Variants in CFAP221 observed in about 807,000 individuals in gnomAD.
CFAP221 encodes cilia and flagella associated protein 221, also known as cilia- and flagella-associated protein 221.
A neutral mutation model predicts 113.1 loss-of-function variants in CFAP221; 97 were observed. The ratio of observed to expected loss-of-function variants is 0.86; its 90% confidence interval spans 0.73 to 1.02. CFAP221 has a LOEUF of 1.02. Ranked by LOEUF, CFAP221 falls within the 50% of genes least tolerant of loss-of-function variation. The probability of loss-of-function intolerance (pLI) is 0.00; values close to 1 mark genes in which losing one functional copy is unlikely to be tolerated. For synonymous variants in CFAP221, 331 were observed against 354.4 expected, an observed-to-expected ratio of 0.93 and a Z score of 0.74; for missense variants, 1,025 against 1,013.4, an observed-to-expected ratio of 1.01 and a Z score of -0.16.
chr2:119,551,147 C>T (rs545471635), intron 3 of CFAP221, among the ~76,000 whole-genome samples: 29 of 152,304 alleles, frequency 1.9e-4, no homozygotes, highest in South Asian at 6.2e-4. Flanking sequence ...GGTTTATCCA[C>T]TTATCAGCTG....
At chr2:119,561,832 T>A (rs1681262317) in intron 5 of CFAP221, among the ~76,000 whole-genome samples, 182 bp from the exon 6 acceptor site, 1 of 152,242 alleles carries the variant, frequency 6.6e-6, no homozygotes, top group Admixed American at 6.5e-5. Flanking sequence ...TACTTAAAAT[T>A]TTCTACGCTT....
chr2:119,655,042 T>C (rs1688348673), intron 23 of CFAP221, among the ~76,000 whole-genome samples: 1 of 152,204 alleles, frequency 6.6e-6, no homozygotes, highest in Non-Finnish European at 1.5e-5. Flanking sequence ...ACCCAGAGCC[T>C]GGACAGACAG....
rs868605053 is a variant in CFAP221 at position 119,604,987 on chromosome 2, G to A, written c.1024G>A (p.Val342Ile). Residue 342 changes from valine (V) to isoleucine (I), a missense_variant and splice_region_variant, in exon 10 of 24, where the codon GTT becomes ATT. Val to Ile is a conservative substitution (Grantham distance 29). Transcript: ENST00000413369. Reference sequence around the variant, plus strand: ...ATTGAAGATTAAAGAATTAAGAGAAGGTAACCAGTTGATTGGCCATAAAGC... The same window carrying A: ...ATTGAAGATTAAAGAATTAAGAGAAAGTAACCAGTTGATTGGCCATAAAGC... The part of the protein sequence containing the change: ...GKLKIKELRE[V>I]LDQGTEISKT... 5 of 1,613,132 alleles carry A rather than the reference G, an allele frequency of 3.1e-6. No individual in the cohort carries two copies. The Admixed American group carries it at 5.0e-5, about 16-fold the overall frequency.
chr2:119,615,528 C>A, intron 13 of CFAP221, 83 bp from the exon 14 acceptor site: 2 of 1,007,570 alleles, frequency 2.0e-6, no homozygotes, highest in Non-Finnish European at 2.9e-6. Flanking sequence ...GATTTGGGAT[C>A]AAACTCTAAA....
chr2:119,627,117 C>T (rs1008067633), intron 15 of CFAP221, among the ~76,000 whole-genome samples: 1 of 151,974 alleles, frequency 6.6e-6, no homozygotes, highest in South Asian at 2.1e-4. Context: ...CAGACTCTTC[C>T]TCCCTTCCTG....
chr2:119,659,444 G>C (rs374992438), downstream of CFAP221, among the ~76,000 whole-genome samples: 39 of 152,302 alleles, frequency 2.6e-4, no homozygotes, highest in African/African-American at 8.7e-4. Context: ...TTTATTTCAG[G>C]GTACGTGGAA....
chr2:119,653,671 T>A (rs10186515), intron 23 of CFAP221, among the ~76,000 whole-genome samples: 121,358 of 152,102 alleles, frequency 0.8, 48,782 homozygotes, highest in East Asian at 0.87. Context: ...TTTCTTAGGA[T>A]AAATTCTAGA....
rs1419969213 is a variant in CFAP221 at position 119,652,065 on chromosome 2, G to A, written c.2410G>A (p.Glu804Lys). 6.2e-7 allele frequency: 1 copy of A among 1,609,502 alleles called. No individual in the cohort carries two copies. The highest frequency in any genetic ancestry group is 1.7e-5 in the Admixed American group (1 of 59,834). Residue 804 changes from glutamate (E) to lysine (K), a missense_variant, in exon 23 of 24, where the codon GAG becomes AAG. Glu to Lys is a moderately conservative substitution (Grantham distance 56). Coordinates refer to ENST00000413369, the MANE Select transcript of CFAP221 (RefSeq NM_001271049.2). Reference protein sequence around the residue: ...PMLNYKDIRKEKEVKDQAQPA... With the variant: ...PMLNYKDIRKKKEVKDQAQPA... The stretch of plus-strand genomic sequence containing the variant: ...GTTGAACTACAAGGACATCAGGAAG[G>A]AGAAGTAAGTGGATGCTTTTATGCC...
chr2:119,622,707 C>T (rs1484858690), intron 14 of CFAP221, among the ~76,000 whole-genome samples: 1 of 152,112 alleles, frequency 6.6e-6, no homozygotes, highest in East Asian at 1.9e-4. Context: ...TGCAAGGCTG[C>T]TTCAACATAT....
In CFAP221 at chr2:119,604,888, C is replaced by G; in HGVS notation, c.925C>G (p.Gln309Glu). Reference sequence around the variant, plus strand: ...TTTGGTCTCTTAGGAAATTGAGTACCAGAACCTCAGATTTCCAGTAGATTT... The same window carrying G: ...TTTGGTCTCTTAGGAAATTGAGTACGAGAACCTCAGATTTCCAGTAGATTT... Reference protein sequence around the residue: ...KPQKVKEIEYQNLRFPVDLSN... With the variant: ...KPQKVKEIEYENLRFPVDLSN... Residue 309 changes from glutamine (Q) to glutamate (E), a missense_variant, in exon 10 of 24, where the codon CAG (glutamine) becomes GAG (glutamate). Physicochemically the swap from Gln to Glu is conservative, Grantham distance 29. Transcript: ENST00000413369. 1.2e-6 allele frequency: 2 copies of G among 1,614,006 alleles called. No individual in the cohort carries two copies. Among genetic ancestry groups the G allele is most frequent in the Non-Finnish European group, 1.7e-6 (2 of 1,179,964 alleles).
At chr2:119,616,005 A>G (rs968094728) in intron 14 of CFAP221, among the ~76,000 whole-genome samples, 1 of 152,182 alleles carries the variant, frequency 6.6e-6, no homozygotes, top group African/African-American at 2.4e-5. Context: ...CTCTGTCTCT[A>G]CGGATTTGCC....
chr2:119,628,317 G>GTGTGTGTGTA (rs1686516297), intron 16 of CFAP221, among the ~76,000 whole-genome samples: 2 of 151,798 alleles, frequency 1.3e-5, no homozygotes, highest in Non-Finnish European at 2.9e-5. Context: ...GTGTGTGTGT[G>GTGTGTGTGTA]TGTGTGTGTG....
intron 19 of CFAP221, among the ~76,000 whole-genome samples, chr2:119,633,057 A>G (rs930281228): frequency 6.6e-6 from 1 of 152,120 alleles, no homozygotes; most frequent in Non-Finnish European, 1.5e-5. Context: ...ATATTCATTC[A>G]TACATTATGG....
intron 7 of CFAP221, among the ~76,000 whole-genome samples, chr2:119,594,492 C>T (rs1001691603): frequency 2.6e-5 from 4 of 152,250 alleles, no homozygotes; most frequent in South Asian, 2.1e-4. Context: ...GATCCACCCT[C>T]GTCAGCCTCC....
intron 17 of CFAP221, among the ~76,000 whole-genome samples, chr2:119,630,251 TAGTC>T (rs1272607202): frequency 5.3e-5 from 8 of 152,208 alleles, no homozygotes; most frequent in South Asian, 2.1e-4. Context: ...GAGCAAAAAT[TAGTC>T]AGCCTTTCTT....
intron 15 of CFAP221, among the ~76,000 whole-genome samples, chr2:119,626,413 A>T (rs957787030): frequency 1.3e-5 from 2 of 152,128 alleles, no homozygotes; most frequent in African/African-American, 4.8e-5. Context: ...TACCCACTTG[A>T]TAATGAACAA....
chr2:119,611,572 A>G (rs1685169162), intron 12 of CFAP221, 81 bp from the exon 13 acceptor site: 3 of 1,305,466 alleles, frequency 2.3e-6, no homozygotes, highest in Admixed American at 2.1e-5. Context: ...CAATTGCTTA[A>G]TGGGTTTCTA....
intron 6 of CFAP221, among the ~76,000 whole-genome samples, chr2:119,575,276 C>T (rs979774501): frequency 6.6e-6 from 1 of 152,152 alleles, no homozygotes; most frequent in African/African-American, 2.4e-5. Context: ...TTCCTCCCCT[C>T]GACCATGGCT....
At chr2:119,653,104 G>T (rs1453908622) in intron 23 of CFAP221, among the ~76,000 whole-genome samples, 2 of 151,626 alleles carry the variant, frequency 1.3e-5, no homozygotes, top group Admixed American at 6.6e-5. Context: ...ATAAATACCG[G>T]GCGTGGTGGC....
Sources: gnomAD v4.1 joint callset for allele counts (sites outside exome capture counted in the v4.1 genomes callset) on GRCh38, gnomAD v4.1.1 for gene constraint, MANE v1.5 for transcripts, NCBI Gene and HGNC (gene_info 2026-07-23, HGNC 2026-07-21) for gene names.